Variants in HHIPL1 observed in about 807,000 individuals in gnomAD.
The protein encoded by HHIPL1 is HHIP like 1, also known as HHIP-like protein 1.
Under a neutral mutation model 61.8 loss-of-function variants are expected in HHIPL1, and 43 were observed. The ratio of observed to expected loss-of-function variants is 0.70; its 90% CI spans 0.55 to 0.90. The LOEUF (loss-of-function observed/expected upper bound fraction) is 0.90. HHIPL1 is among the 40% of genes least tolerant of loss of function. HHIPL1 has a pLI of 0.00. For synonymous variants in HHIPL1, 482 were observed against 515.8 expected, an observed-to-expected ratio of 0.93 and a Z score of 0.89; for missense variants, 1,056 against 1,157.7, an observed-to-expected ratio of 0.91 and a Z score of 1.28.
Position 99,677,201 on chromosome 14 carries a change from G to T in HHIPL1, c.*1575G>T. The T allele has an allele frequency of 6.6e-6, 1 of 152,598 alleles. No homozygotes were observed. Among genetic ancestry groups the T allele is most frequent in the Non-Finnish European group, 1.5e-5 (1 of 68,236 alleles). 9.5% of individuals were successfully genotyped at this position (152,598 alleles called of 1,614,324 possible). Reference sequence around the variant, plus strand: ...AGAATGGGAAACTGAGGCACACAGAGGTTAGATATCTTAGGGCACCAAGCC... The same window carrying T: ...AGAATGGGAAACTGAGGCACACAGATGTTAGATATCTTAGGGCACCAAGCC... On this transcript the variant is annotated 3_prime_UTR_variant, in exon 9 of 9. Coordinates refer to ENST00000330710, the MANE Select transcript of HHIPL1 (RefSeq NM_001127258.3). This position sits in a 1 kb window ranked among gnomAD's most constrained non-coding sequence, Gnocchi z 4.3.
chr14:99,654,034 CAA>C (rs1200142217), intron 2 of HHIPL1, among the ~76,000 whole-genome samples: 2 of 151,970 alleles, frequency 1.3e-5, no homozygotes, highest in Non-Finnish European at 2.9e-5. Context: ...ACTAAAAACA[CAA>C]AAACTATCTG....
chr14:99,645,805 C>A, intron 1 of HHIPL1, among the ~76,000 whole-genome samples: 1 of 152,220 alleles, frequency 6.6e-6, no homozygotes, highest in East Asian at 1.9e-4. Context: ...CGTCCCACCC[C>A]GAGCAGCTGC....
Position 99,675,217 on chromosome 14 carries a change from A to G in HHIPL1, c.1940A>G (p.Gln647Arg). The change falls in exon 9 of 9, where the codon CAG becomes CGG. Residue 647 changes from glutamine (Q) to arginine (R), a missense_variant. Coordinates refer to ENST00000330710, the MANE Select transcript of HHIPL1 (RefSeq NM_001127258.3). The surrounding 1 kb of genome is among the most constrained non-coding windows in gnomAD (Gnocchi z 5.4). ...CCGCGGCCAGCGCGGCCCACCCAGC[A>G]GCCAGGGAGCCGGAGGGGCGGCGGG... ...PTPRPARPTQ[Q>R]PGSRRGGGRR... The G allele has an allele frequency of 8.4e-7, 1 of 1,187,988 alleles. No homozygotes were observed. Among genetic ancestry groups the G allele is most frequent in the Non-Finnish European group, 1.0e-6 (1 of 958,244 alleles). 73.6% of individuals were successfully genotyped at this position (1,187,988 alleles called of 1,614,324 possible).
the HHIPL1 span, among the ~76,000 whole-genome samples, chr14:99,611,634 C>T: frequency 2.0e-5 from 3 of 147,636 alleles, no homozygotes; most frequent in African/African-American, 7.6e-5. Flanking sequence ...CACTATGTTG[C>T]CCAGGCTGAT....
At chr14:99,607,537 C>T in the HHIPL1 span, among the ~76,000 whole-genome samples, 16 of 152,114 alleles carry the variant, frequency 1.1e-4, no homozygotes, top group Admixed American at 9.8e-4. Context: ...GGCTGAGAAC[C>T]GGTACGCTAA....
intron 7 of HHIPL1, 84 bp from the exon 8 acceptor site, chr14:99,672,233 C>T: frequency 1.9e-6 from 2 of 1,048,698 alleles, no homozygotes. Context: ...CGTTGCTGTT[C>T]ATACCTGCCT....
upstream of HHIPL1, among the ~76,000 whole-genome samples, chr14:99,640,473 C>G (rs1294489878): frequency 2.6e-5 from 4 of 151,976 alleles, no homozygotes; most frequent in Non-Finnish European, 4.4e-5. Context: ...TTTGTCGAGA[C>G]AGGGCTTTGC....
At chr14:99,639,918 C>T in the HHIPL1 span, among the ~76,000 whole-genome samples, 1 of 152,214 alleles carries the variant, frequency 6.6e-6, no homozygotes, top group Admixed American at 6.5e-5. Context: ...CATCGGCCTC[C>T]CAAAGTGCTA....
the HHIPL1 span, among the ~76,000 whole-genome samples, chr14:99,619,515 A>G: frequency 5.9e-5 from 9 of 151,944 alleles, no homozygotes; most frequent in African/African-American, 1.2e-4. Context: ...TGAAGCTGCA[A>G]TGTAAGCAGG....
At chr14:99,641,842 T>C (rs1446173468), upstream of HHIPL1, among the ~76,000 whole-genome samples, 1 of 152,156 alleles carries the variant, frequency 6.6e-6, no homozygotes, top group Non-Finnish European at 1.5e-5. Flanking sequence ...GCATAGGATA[T>C]GCCTCGCTGT....
In HHIPL1 at chr14:99,664,482, GAGTGACACCCGAGTGTGGAAAACC is replaced by G. The variant is rs369283638; in HGVS notation, c.1648+1464_1648+1487del. On this transcript the variant is annotated intron_variant, in intron 6 of 8. Transcript: ENST00000330710. ...CCAAAAGGCTGTTCCTCAGCCCTCT[GAGTGACACCCGAGTGTGGAAAACC>G]AGGAGGAGGCACCAGTGAGACTGGC... Among the ~76,000 whole-genome samples the G allele has an allele frequency of 2.5e-3, 375 of 150,650 alleles. 3 individuals carry two copies. The highest frequency in any genetic ancestry group is 8.4e-3 in the African/African-American group (335 of 40,034).
chr14:99,668,205 CT>C lies in HHIPL1; in HGVS notation c.1649-14del. 1 of 1,562,738 alleles carries C rather than the reference CT, an allele frequency of 6.4e-7. No individual in the cohort carries two copies. The highest frequency in any genetic ancestry group is 8.8e-7 in the Non-Finnish European group (1 of 1,133,302). ...TTCCAGGTGGGGGTCTCACTAGTCA[CT>C]TTGTTCTGTCCAAAGGGGAGCTGTA... On this transcript the variant is annotated splice_polypyrimidine_tract_variant and intron_variant, in intron 6 of 8. Coordinates refer to ENST00000330710, the MANE Select transcript of HHIPL1 (RefSeq NM_001127258.3). The surrounding 1 kb of genome is among the most constrained non-coding windows in gnomAD (Gnocchi z 4.7).
the HHIPL1 span, among the ~76,000 whole-genome samples, chr14:99,632,882 TGAGA>T: frequency 6.0e-5 from 9 of 150,510 alleles, 1 homozygote; most frequent in Admixed American, 1.3e-4. Flanking sequence ...GGTGTGTGTG[TGAGA>T]GAGAGAGAGA....
chr14:99,652,335 C>T lies in HHIPL1; in HGVS notation c.367C>T (p.Arg123Trp), dbSNP rs766596893. ...CTGCCTGGACATGTGGCATAAGTGC[C>T]GGGGGCTGTTCCGTCACCTGTCAAC... Reference protein sequence around the residue: ...DYCLDMWHKCRGLFRHLSTDQ... With the variant: ...DYCLDMWHKCWGLFRHLSTDQ... The change falls in exon 2 of 9, where the codon CGG (arginine) becomes TGG (tryptophan). Residue 123 changes from arginine to tryptophan, a missense_variant. Transcript: ENST00000330710. 4.6e-5 allele frequency: 75 copies of T among 1,614,026 alleles called. No homozygotes were observed. The highest frequency in any genetic ancestry group is 9.9e-5 in the South Asian group (9 of 91,088).
chr14:99,663,830 G>C (rs2056196147), intron 6 of HHIPL1, among the ~76,000 whole-genome samples: 1 of 152,188 alleles, frequency 6.6e-6, no homozygotes, highest in Non-Finnish European at 1.5e-5. Flanking sequence ...TAATAACATG[G>C]GTAAGCGTCC....
the HHIPL1 span, among the ~76,000 whole-genome samples, chr14:99,618,063 G>A: frequency 6.6e-6 from 1 of 152,208 alleles, no homozygotes; most frequent in Non-Finnish European, 1.5e-5. Context: ...TGGTCCAGGG[G>A]CTCCCAGCAG....
At chr14:99,650,570 G>A (rs2055912182) in intron 1 of HHIPL1, among the ~76,000 whole-genome samples, 2 of 152,250 alleles carry the variant, frequency 1.3e-5, no homozygotes, top group Admixed American at 1.3e-4. Context: ...GAGCTGGCCA[G>A]TAGAGCTGAG....
chr14:99,663,546 A>G (rs1393067609), intron 6 of HHIPL1, among the ~76,000 whole-genome samples: 2 of 152,234 alleles, frequency 1.3e-5, no homozygotes, highest in East Asian at 3.9e-4. Flanking sequence ...CTGTTTTATC[A>G]GCAAAGTCTG....
chr14:99,659,851 C>CCCG, intron 4 of HHIPL1, 95 bp downstream of exon 4: 1 of 551,520 alleles, frequency 1.8e-6, no homozygotes, highest in African/African-American at 2.4e-5. Context: ...ACCGCACCCC[C>CCCG]CCCCCCCCGG....
Sources: gnomAD v4.1 joint callset for allele counts (sites outside exome capture counted in the v4.1 genomes callset) on GRCh38, gnomAD v4.1.1 for gene constraint, Gnocchi (gnomAD v3.1) non-coding constraint, MANE v1.5 for transcripts, NCBI Gene and HGNC (gene_info 2026-07-23, HGNC 2026-07-21) for gene names.